RAPGEF5: variants seen among roughly 807,000 people sequenced by gnomAD.
The protein encoded by RAPGEF5 is M-Ras-regulated GEF.
Under a neutral mutation model 125.2 loss-of-function variants are expected in RAPGEF5, and 65 were observed. That is an observed-to-expected ratio of 0.52 (90% CI 0.43 to 0.64). RAPGEF5 has a LOEUF of 0.64. Ranked by LOEUF, RAPGEF5 falls within the 30% of genes least tolerant of loss-of-function variation. RAPGEF5 has a pLI of 0.00. For synonymous variants in RAPGEF5, 391 were observed against 385.9 expected (o/e 1.01, Z -0.16); for missense variants, 958 against 1,048.1 (o/e 0.91, Z 1.19).
At chr7:22,292,259 A>C (rs920345418) in intron 5 of RAPGEF5, among the ~76,000 whole-genome samples, 4 of 152,210 alleles carry the variant, frequency 2.6e-5, no homozygotes, top group Non-Finnish European at 5.9e-5. Context: ...GCAGCTCTTT[A>C]AGAAGGGAAA....
intron 9 of RAPGEF5, among the ~76,000 whole-genome samples, chr7:22,199,926 A>C (rs566497060): frequency 6.6e-6 from 1 of 152,310 alleles, no homozygotes; most frequent in South Asian, 2.1e-4. Context: ...ATATCATAGA[A>C]CAAATGAAGA....
At chr7:22,186,878 T>C (rs1427926496) in intron 11 of RAPGEF5, among the ~76,000 whole-genome samples, 7 of 152,224 alleles carry the variant, frequency 4.6e-5, no homozygotes, top group Non-Finnish European at 8.8e-5. Context: ...AATGGCTTGG[T>C]AATAAAATTC....
In RAPGEF5 at chr7:22,160,657, C is replaced by T. The variant is rs769874693; in HGVS notation, c.1429-42G>A. On this transcript the variant is annotated intron_variant, in intron 13 of 25. Transcript: ENST00000665637. The stretch of plus-strand genomic sequence containing the variant: ...AATGAGAGCTCAGTGGTTGAATGCC[C>T]ATTTTGTAGGGATTAAGACTCATAC... 5.1e-5 allele frequency: 76 copies of T among 1,501,318 alleles called. No homozygotes were observed. In the East Asian group the frequency reaches 1.9e-3, roughly 37 times the overall value. The allele number at this position is 1,501,318 out of a possible 1,614,324, so 93.0% of individuals were successfully genotyped here. A position where few individuals can be genotyped will look rare whatever the true frequency, so the allele number is the denominator to read the frequency against.
intron 25 of RAPGEF5, among the ~76,000 whole-genome samples, chr7:22,123,395 C>T (rs1313347272): frequency 2.0e-5 from 3 of 152,100 alleles, no homozygotes; most frequent in African/African-American, 7.2e-5. Flanking sequence ...AACTGCACTA[C>T]AGTAAAACAA....
At chr7:22,199,010 T>C (rs1291749618) in intron 9 of RAPGEF5, among the ~76,000 whole-genome samples, 1 of 152,168 alleles carries the variant, frequency 6.6e-6, no homozygotes, top group Non-Finnish European at 1.5e-5. Context: ...AAAGGAGATG[T>C]CACTTTCCCT....
chr7:22,213,524 C>A (rs192836841), intron 9 of RAPGEF5, among the ~76,000 whole-genome samples: 12 of 152,316 alleles, frequency 7.9e-5, no homozygotes, highest in Non-Finnish European at 5.9e-5. Flanking sequence ...GAACTAGCTA[C>A]TTCTACTTTT....
chr7:22,203,176 C>A (rs1333004081), intron 9 of RAPGEF5, among the ~76,000 whole-genome samples: 1 of 152,082 alleles, frequency 6.6e-6, no homozygotes, highest in Non-Finnish European at 1.5e-5. Flanking sequence ...CTACAGAGCT[C>A]ACGGAACCTG....
At chr7:22,167,819 T>C (rs1784220176) in intron 11 of RAPGEF5, among the ~76,000 whole-genome samples, 1 of 152,202 alleles carries the variant, frequency 6.6e-6, no homozygotes, top group African/African-American at 2.4e-5. Flanking sequence ...GGTTACATTG[T>C]TATCATCTTT....
At chr7:22,258,189 T>A (rs1279082100) in intron 7 of RAPGEF5, among the ~76,000 whole-genome samples, 1 of 152,044 alleles carries the variant, frequency 6.6e-6, no homozygotes, top group East Asian at 1.9e-4. Flanking sequence ...GATTCTGAAG[T>A]TTTTATGGAG....
intron 17 of RAPGEF5, among the ~76,000 whole-genome samples, chr7:22,151,539 G>A (rs1163098900): frequency 1.4e-5 from 2 of 142,270 alleles, no homozygotes; most frequent in Admixed American, 1.5e-4. Flanking sequence ...TCGGCTCACC[G>A]CAACCTCTGC....
chr7:22,198,911 C>T (rs1785211957), intron 9 of RAPGEF5, among the ~76,000 whole-genome samples: 1 of 152,176 alleles, frequency 6.6e-6, no homozygotes, highest in African/African-American at 2.4e-5. Context: ...TGAGATTGAA[C>T]CCAGACAGGC....
At chr7:22,201,433 T>C (rs1210375295) in intron 9 of RAPGEF5, among the ~76,000 whole-genome samples, 2 of 152,256 alleles carry the variant, frequency 1.3e-5, no homozygotes, top group African/African-American at 2.4e-5. Context: ...CAGCCCAGCA[T>C]GCTTCACATT....
intron 6 of RAPGEF5, among the ~76,000 whole-genome samples, chr7:22,287,587 C>A (rs1184832694): frequency 1.3e-5 from 2 of 152,208 alleles, no homozygotes; most frequent in Admixed American, 1.3e-4. Context: ...AAAACACAGA[C>A]TCTCAAAGAG....
intron 7 of RAPGEF5, among the ~76,000 whole-genome samples, chr7:22,256,593 A>G (rs1786767194): frequency 6.6e-6 from 1 of 152,190 alleles, no homozygotes; most frequent in African/African-American, 2.4e-5. Context: ...AAAACACTTA[A>G]CTAGCTATGG....
chr7:22,272,060 TG>T (rs1280024673), intron 6 of RAPGEF5, among the ~76,000 whole-genome samples: 1 of 151,750 alleles, frequency 6.6e-6, no homozygotes, highest in African/African-American at 2.4e-5. Flanking sequence ...CAAGGAAAGT[TG>T]GGCCGGGCGC....
At position 22,118,721 on chromosome 7, in the gene RAPGEF5, T is replaced by G. The variant is rs1414661177; in HGVS notation, c.*3685A>C. 6.6e-6 allele frequency: 1 copy of G among 152,578 alleles called. No individual in the cohort carries two copies. Among genetic ancestry groups the G allele is most frequent in the Non-Finnish European group, 1.5e-5 (1 of 68,022 alleles). The allele number at this position is 152,578 out of a possible 1,614,324, so 9.5% of individuals were successfully genotyped here. ...TTAATGATACATTAAAAGGCAAGAT[T>G]TCTTGCTTCAGGTCACTGATTTCAT... On this transcript the variant is annotated 3_prime_UTR_variant, in exon 26 of 26. Transcript: ENST00000665637.
chr7:22,193,696 G>C (rs1232921597), intron 10 of RAPGEF5: 1 of 1,551,372 alleles, frequency 6.4e-7, no homozygotes, highest in Non-Finnish European at 8.7e-7. Context: ...TCCCCTAAAT[G>C]CTAAAAGATC....
chr7:22,136,847 A>G (rs957783265), intron 22 of RAPGEF5, 86 bp downstream of exon 22: 7 of 1,184,566 alleles, frequency 5.9e-6, no homozygotes, highest in Non-Finnish European at 7.3e-6. Context: ...ACGGTAGAGT[A>G]CAAATACCAC....
chr7:22,343,525 T>C (rs1387091677), intron 1 of RAPGEF5, among the ~76,000 whole-genome samples: 2 of 152,202 alleles, frequency 1.3e-5, no homozygotes, highest in East Asian at 3.8e-4. Context: ...CACCCCAATA[T>C]TATTTACAAA....
Sources: allele counts gnomAD v4.1 joint callset (sites outside exome capture counted in the v4.1 genomes callset), GRCh38; gene constraint gnomAD v4.1.1; transcripts MANE v1.5; gene names NCBI Gene and HGNC (gene_info 2026-07-23, HGNC 2026-07-21).